The following ARMC9 variants were observed in gnomAD, a reference collection of about 807,000 sequenced individuals.
The protein encoded by ARMC9 is lisH domain-containing protein ARMC9.
ARMC9 carries 94 observed loss-of-function variants against 107.0 expected under a neutral mutation model. The ratio of observed to expected loss-of-function variants is 0.88; its 90% CI spans 0.74 to 1.04. The LOEUF is 1.04. Among genes scored for constraint, ARMC9 ranks in the 50% least tolerant of loss-of-function variants. The pLI, the probability that ARMC9 is intolerant of heterozygous loss-of-function variation, is 0.00. For synonymous variants in ARMC9, 380 were observed against 396.9 expected, an observed-to-expected ratio of 0.96 and a Z score of 0.51; for missense variants, 942 against 1,030.1, an observed-to-expected ratio of 0.91 and a Z score of 1.17.
At chr2:231,359,029 C>G (rs1047549852) in intron 22 of ARMC9, among the ~76,000 whole-genome samples, 1 of 151,874 alleles carries the variant, frequency 6.6e-6, no homozygotes, top group Non-Finnish European at 1.5e-5. Context: ...CGGTGCACAC[C>G]CATGGCTGCC....
intron 14 of ARMC9, 75 bp from the exon 15 acceptor site, chr2:231,276,561 C>T (rs1183236064): frequency 2.4e-5 from 38 of 1,590,286 alleles, no homozygotes; most frequent in Non-Finnish European, 2.7e-5. Context: ...TGAGCCACTG[C>T]TTCCAGCCTA....
chr2:231,371,939 T>C lies in ARMC9; in HGVS notation c.*404T>C. Reference sequence around the variant, plus strand: ...GTAGGGCCAGCCTGGAGCAGGGCTTTTCCAAGGCTGCTGAAGCCAGCCCTC... The same window carrying C: ...GTAGGGCCAGCCTGGAGCAGGGCTTCTCCAAGGCTGCTGAAGCCAGCCCTC... On this transcript the variant is annotated 3_prime_UTR_variant, in exon 25 of 25. Transcript: ENST00000611582. 5.3e-6 allele frequency: 1 copy of C among 188,350 alleles called. No homozygotes were observed. 11.7% of individuals were successfully genotyped at this position (188,350 alleles called of 1,614,324 possible).
chr2:231,229,440 C>T (rs931070081), intron 7 of ARMC9, among the ~76,000 whole-genome samples: 2 of 152,194 alleles, frequency 1.3e-5, no homozygotes, highest in African/African-American at 4.8e-5. Flanking sequence ...GCAGAAACTT[C>T]TCTCAGAAGG....
intron 23 of ARMC9, among the ~76,000 whole-genome samples, chr2:231,363,159 G>A (rs946513908): frequency 6.6e-6 from 1 of 152,256 alleles, no homozygotes; most frequent in African/African-American, 2.4e-5. Flanking sequence ...AGTGCCAGGA[G>A]TGCAGGGCAT....
At chr2:231,324,772 TAAATA>T (rs1383300022) in intron 19 of ARMC9, among the ~76,000 whole-genome samples, 6 of 150,876 alleles carry the variant, frequency 4.0e-5, no homozygotes, top group East Asian at 2.0e-4. Flanking sequence ...AATAAATAAA[TAAATA>T]AAATAAACCA....
intron 14 of ARMC9, among the ~76,000 whole-genome samples, chr2:231,274,596 GT>G (rs1171344855): frequency 6.6e-6 from 1 of 152,178 alleles, no homozygotes; most frequent in African/African-American, 2.4e-5. Flanking sequence ...TTTTTTCAGA[GT>G]TTTTATTCTC....
Position 231,360,651 on chromosome 2 carries a change from T to C in ARMC9, c.2132-103T>C, listed in dbSNP as rs2045531647. On this transcript the variant is annotated intron_variant, in intron 22 of 24. Transcript: ENST00000611582. The surrounding 1 kb of genome is among the most constrained non-coding windows in gnomAD (Gnocchi z 4.7). ...GCCAGGGAGCCCGCAGGGCCTGGCC[T>C]GGGGTGCGTGCTTTTCTTGGCTTTC... The C allele has an allele frequency of 2.0e-6, 3 of 1,516,010 alleles. No individual in the cohort carries two copies. In the Admixed American group the frequency reaches 5.9e-5, roughly 30 times the overall value. The allele number at this position is 1,516,010 out of a possible 1,614,324, so 93.9% of individuals were successfully genotyped here.
At chr2:231,269,377 T>G (rs1009585299) in intron 12 of ARMC9, among the ~76,000 whole-genome samples, 2 of 151,312 alleles carry the variant, frequency 1.3e-5, no homozygotes, top group Non-Finnish European at 2.9e-5. Flanking sequence ...TTCCACTCTT[T>G]AGGAGATTTC....
intron 1 of ARMC9, among the ~76,000 whole-genome samples, chr2:231,204,426 A>G (rs1470550884): frequency 3.9e-5 from 6 of 152,142 alleles, no homozygotes. Context: ...CCCCAGATCC[A>G]GGTGCTCAAT....
At position 231,358,454 on chromosome 2, in the gene ARMC9, G is replaced by A. The variant is rs188155272; in HGVS notation, c.2132-2300G>A. Among the ~76,000 whole-genome samples the A allele has an allele frequency of 4.6e-5, 7 of 151,976 alleles. No homozygotes were observed. In the East Asian group the frequency reaches 5.8e-4, roughly 13 times the overall value. Reference sequence around the variant, plus strand: ...TGGGCTCAAGCGATCCTCCCGCCTCGGCCTCCCAAAGTGCTGGGATTACAG... The same window carrying A: ...TGGGCTCAAGCGATCCTCCCGCCTCAGCCTCCCAAAGTGCTGGGATTACAG... On this transcript the variant is annotated intron_variant, in intron 22 of 24. Coordinates refer to ENST00000611582, the MANE Select transcript of ARMC9 (RefSeq NM_001352754.2). This position sits in a 1 kb window ranked among gnomAD's most constrained non-coding sequence, Gnocchi z 4.5.
intron 21 of ARMC9, among the ~76,000 whole-genome samples, chr2:231,354,195 G>A (rs536820637): frequency 3.3e-5 from 5 of 149,418 alleles, no homozygotes; most frequent in Non-Finnish European, 7.4e-5. Context: ...ACTTTGGGAG[G>A]CCAAGGTGGT....
chr2:231,260,381 A>G (rs2038220932), intron 11 of ARMC9, among the ~76,000 whole-genome samples: 1 of 152,194 alleles, frequency 6.6e-6, no homozygotes, highest in Admixed American at 6.5e-5. Flanking sequence ...TCAAGCCAAC[A>G]GTGGTTGAGC....
chr2:231,257,344 C>A (rs1374476696), intron 10 of ARMC9, among the ~76,000 whole-genome samples: 2 of 152,158 alleles, frequency 1.3e-5, no homozygotes, highest in East Asian at 3.9e-4. Flanking sequence ...TGGGCTGTCC[C>A]CCTTACGAGT....
intron 21 of ARMC9, among the ~76,000 whole-genome samples, chr2:231,352,785 A>G (rs1366005945): frequency 1.3e-5 from 2 of 151,906 alleles, no homozygotes; most frequent in Non-Finnish European, 2.9e-5. Flanking sequence ...AGATAACCAT[A>G]TATACACACA....
At chr2:231,351,901 A>C (rs1321219408) in intron 21 of ARMC9, among the ~76,000 whole-genome samples, 18 of 152,142 alleles carry the variant, frequency 1.2e-4, no homozygotes, top group Admixed American at 1.2e-3. Context: ...GTGTGGATAC[A>C]TCTAGAATCT....
chr2:231,345,229 T>A, intron 21 of ARMC9, 139 bp downstream of exon 21: 1 of 1,447,082 alleles, frequency 6.9e-7, no homozygotes, highest in Non-Finnish European at 9.1e-7. Context: ...TGGGGGATTT[T>A]TGGAGGGAAA....
At chr2:231,223,001 A>G (rs561441442) in intron 6 of ARMC9, among the ~76,000 whole-genome samples, 181 bp downstream of exon 6, 2 of 152,218 alleles carry the variant, frequency 1.3e-5, no homozygotes, top group African/African-American at 4.8e-5. Context: ...CAACTTCTAT[A>G]TCATTGGATC....
intron 7 of ARMC9, among the ~76,000 whole-genome samples, chr2:231,232,218 G>T (rs1039832141): frequency 1.3e-5 from 2 of 151,096 alleles, no homozygotes; most frequent in African/African-American, 4.9e-5. Context: ...TAGAGATGGG[G>T]TTTCACTATG....
At chr2:231,272,499 A>AGTGT (rs2039423031) in intron 13 of ARMC9, among the ~76,000 whole-genome samples, 1 of 119,088 alleles carries the variant, frequency 8.4e-6, no homozygotes, top group South Asian at 2.3e-4. Context: ...ACAACCAGTA[A>AGTGT]GTGTTTGTTT....
Sources: gnomAD v4.1 joint callset for allele counts (sites outside exome capture counted in the v4.1 genomes callset) on GRCh38, gnomAD v4.1.1 for gene constraint, Gnocchi (gnomAD v3.1) non-coding constraint, MANE v1.5 for transcripts, NCBI Gene and HGNC (gene_info 2026-07-23, HGNC 2026-07-21) for gene names.